CR1L: variants seen among roughly 807,000 people sequenced by gnomAD.
The protein encoded by CR1L is complement component receptor 1-like protein.
In CR1L, 59 loss-of-function variants were observed where a neutral mutation model predicts 62.3. The ratio of observed to expected loss-of-function variants is 0.95; its 90% CI spans 0.77 to 1.18. CR1L has a LOEUF of 1.18. CR1L is among the 50% of genes most tolerant of loss of function. CR1L has a pLI of 0.00. For missense variants in CR1L, 700 were observed against 702.8 expected (o/e 1.00, Z 0.04); for synonymous variants, 279 against 248.7 (o/e 1.12, Z -1.15).
chr1:207,699,043 T>G (rs1351153308), intron 7 of CR1L, 146 bp from the exon 8 acceptor site: 1 of 981,670 alleles, frequency 1.0e-6, no homozygotes, highest in South Asian at 1.5e-5. Context: ...GGCTGTGATT[T>G]TTCCAGAATA....
At chr1:207,713,022 C>T (rs1330714769) in intron 10 of CR1L, among the ~76,000 whole-genome samples, 1 of 151,680 alleles carries the variant, frequency 6.6e-6, no homozygotes, top group African/African-American at 2.4e-5. Flanking sequence ...AAGGAGCTGA[C>T]CTAGTAGATA....
At chr1:207,680,766 A>C (rs1184847048) in intron 3 of CR1L, among the ~76,000 whole-genome samples, 2 of 152,176 alleles carry the variant, frequency 1.3e-5, no homozygotes, top group Admixed American at 6.5e-5. Flanking sequence ...TTAAAACCAA[A>C]TGGCGCCAGA....
At chr1:207,687,865 GCTTTT>G (rs1189115640) in intron 4 of CR1L, among the ~76,000 whole-genome samples, 1 of 152,084 alleles carries the variant, frequency 6.6e-6, no homozygotes, top group East Asian at 1.9e-4. Flanking sequence ...TCAGGCTATG[GCTTTT>G]CTTTTTCTTT....
At chr1:207,652,647 A>C in intron 1 of CR1L, 1 of 1,176,998 alleles carries the variant, frequency 8.5e-7, no homozygotes, top group Non-Finnish European at 1.3e-6. Context: ...AGTGTAAAAA[A>C]GGACACTTCT....
At chr1:207,658,644 C>A (rs920190384) in intron 1 of CR1L, 1 of 152,412 alleles carries the variant, frequency 6.6e-6, no homozygotes, top group Admixed American at 6.5e-5. Flanking sequence ...AACAGCAGCA[C>A]CCAAGAGTGT....
In CR1L at chr1:207,676,481, GGTTGC is replaced by G. The variant is rs1265361588; in HGVS notation, c.98-907_98-903del. On this transcript the variant is annotated intron_variant, in intron 1 of 11. Coordinates refer to ENST00000508064, the MANE Select transcript of CR1L (RefSeq NM_175710.2). ...GTGAACTGTGCATACGAGGGATCTAGGTTGCATGTTCCCTATGAGAATCTAATGCC... is the reference window on the plus strand; with the variant it reads ...GTGAACTGTGCATACGAGGGATCTAGATGTTCCCTATGAGAATCTAATGCC... 9.3e-4 allele frequency among the ~76,000 whole-genome samples: 141 copies of G among 152,252 alleles called. 1 individual carries two copies. The highest frequency in any genetic ancestry group is 3.2e-3 in the African/African-American group (133 of 41,528).
chr1:207,672,799 A>G (rs1455849416), intron 1 of CR1L, among the ~76,000 whole-genome samples: 1 of 152,154 alleles, frequency 6.6e-6, no homozygotes, highest in African/African-American at 2.4e-5. Context: ...AAGAAGGGTA[A>G]TTCCAATTTG....
Position 207,694,525 on chromosome 1 carries a change from T to A in CR1L, c.636T>A (p.Asp212Glu). 1 of 1,613,330 alleles carries A rather than the reference T, an allele frequency of 6.2e-7. No homozygotes were observed. Among genetic ancestry groups the A allele is most frequent in the South Asian group, 1.1e-5 (1 of 91,056 alleles). Residue 212 changes from aspartate to glutamate, a missense_variant, in exon 5 of 12, where the codon GAT (aspartate) becomes GAA (glutamate). By Grantham distance (45) the Asp-to-Glu change is conservative. Coordinates refer to ENST00000508064, the MANE Select transcript of CR1L (RefSeq NM_175710.2). ...CCATATACTGCACCAGCAAAGATGA[T>A]CAAGTGGGCATCTGGAGTGGCCCAG... ...EPSIYCTSKD[D>E]QVGIWSGPAP...
chr1:207,720,919 G>A lies in CR1L; in HGVS notation c.1643-2699G>A, dbSNP rs545150657. ...CTTTCCTAGAGCCTAGCTTCTCTCA[G>A]TTCCACCCAGACTGTCTCTCAATAG... On this transcript the variant is annotated intron_variant, in intron 11 of 11. Coordinates refer to ENST00000508064, the MANE Select transcript of CR1L (RefSeq NM_175710.2). Among the ~76,000 whole-genome samples, 5 of 152,240 alleles carry A rather than the reference G, an allele frequency of 3.3e-5. No individual in the cohort carries two copies. The South Asian group carries it at 1.0e-3, about 32-fold the overall frequency.
chr1:207,701,491 T>C, intron 8 of CR1L, 28 bp from the exon 9 acceptor site: 1 of 1,613,004 alleles, frequency 6.2e-7, no homozygotes, highest in African/African-American at 1.3e-5. Flanking sequence ...TTACTCTACC[T>C]GGCTCCAAAA....
chr1:207,704,456 TG>T (rs781777565), intron 9 of CR1L, among the ~76,000 whole-genome samples: 20 of 152,240 alleles, frequency 1.3e-4, no homozygotes, highest in Admixed American at 2.6e-4. Flanking sequence ...CAGCAGTATC[TG>T]GGAGGATTGA....
chr1:207,675,480 A>G (rs1281528184), intron 1 of CR1L, among the ~76,000 whole-genome samples: 1 of 152,204 alleles, frequency 6.6e-6, no homozygotes, highest in Non-Finnish European at 1.5e-5. Flanking sequence ...AAGGAATGTC[A>G]TAGACAGGGG....
intron 3 of CR1L, among the ~76,000 whole-genome samples, chr1:207,679,396 C>T (rs763414348): frequency 1.3e-5 from 2 of 151,976 alleles, no homozygotes; most frequent in African/African-American, 2.4e-5. Context: ...CTGCAAAGAC[C>T]GTATTTCCAA....
intron 11 of CR1L, among the ~76,000 whole-genome samples, chr1:207,721,460 C>T (rs1209407811): frequency 4.0e-5 from 6 of 150,588 alleles, no homozygotes; most frequent in East Asian, 4.0e-4. Context: ...TTCGTTCTTG[C>T]GATAGTTTAC....
intron 5 of CR1L, among the ~76,000 whole-genome samples, chr1:207,697,091 G>A (rs2102470061): frequency 6.6e-6 from 1 of 152,260 alleles, no homozygotes; most frequent in South Asian, 2.1e-4. Flanking sequence ...ATGGGCAGGG[G>A]CACTCCTTTA....
chr1:207,656,758 A>G (rs1229197202), intron 1 of CR1L, among the ~76,000 whole-genome samples: 1 of 152,146 alleles, frequency 6.6e-6, no homozygotes, highest in Non-Finnish European at 1.5e-5. Flanking sequence ...GAACAGCACC[A>G]AGGGGACGGT....
At chr1:207,655,297 T>C in intron 1 of CR1L, 1 of 623,482 alleles carries the variant, frequency 1.6e-6, no homozygotes, top group African/African-American at 1.9e-5. Flanking sequence ...CTTTTTTTTT[T>C]TTTTTTAATT....
intron 11 of CR1L, among the ~76,000 whole-genome samples, chr1:207,718,991 A>G (rs1337805227): frequency 6.7e-6 from 1 of 149,442 alleles, no homozygotes; most frequent in Admixed American, 6.7e-5. Flanking sequence ...CATCATTCTC[A>G]GTAAACTATC....
intron 11 of CR1L, among the ~76,000 whole-genome samples, chr1:207,722,930 G>A (rs1000947667): frequency 2.6e-5 from 4 of 152,040 alleles, no homozygotes; most frequent in African/African-American, 9.7e-5. Context: ...CACAATAGAA[G>A]TCATTGAATA....
Sources: gnomAD v4.1 joint callset for allele counts (sites outside exome capture counted in the v4.1 genomes callset) on GRCh38, gnomAD v4.1.1 for gene constraint, MANE v1.5 for transcripts, NCBI Gene and HGNC (gene_info 2026-07-23, HGNC 2026-07-21) for gene names.